The following NLK variants were observed in gnomAD, a reference collection of about 807,000 sequenced individuals.
NLK encodes the protein serine/threonine-protein kinase NLK.
A neutral mutation model predicts 59.0 loss-of-function variants in NLK; 11 were observed. That is an observed-to-expected ratio of 0.19 (90% CI 0.12 to 0.31). NLK has a LOEUF of 0.31. Among genes scored for constraint, NLK ranks in the 10% least tolerant of loss-of-function variants. The pLI, the probability that NLK is intolerant of heterozygous loss-of-function variation, is 1.00. For synonymous variants in NLK, 235 were observed against 235.9 expected, an observed-to-expected ratio of 1.00 and a Z score of 0.03; for missense variants, 410 against 661.1, an observed-to-expected ratio of 0.62 and a Z score of 4.16.
chr17:28,091,888 A>C (rs988461812), intron 1 of NLK, among the ~76,000 whole-genome samples: 4 of 152,172 alleles, frequency 2.6e-5, no homozygotes, highest in Non-Finnish European at 5.9e-5. Flanking sequence ...CCATCTTCCA[A>C]AATAAAAAGT....
At chr17:28,046,463 G>A (rs1009361362) in intron 1 of NLK, among the ~76,000 whole-genome samples, 4 of 152,138 alleles carry the variant, frequency 2.6e-5, no homozygotes, top group Non-Finnish European at 5.9e-5. Flanking sequence ...TGTTGTTTAT[G>A]GGTTATCAAG....
At chr17:28,150,389 G>T (rs1434472832) in intron 3 of NLK, among the ~76,000 whole-genome samples, 1 of 152,152 alleles carries the variant, frequency 6.6e-6, no homozygotes, top group Non-Finnish European at 1.5e-5. Flanking sequence ...GAAACAGCTT[G>T]GTGGGAGTGG....
chr17:28,084,895 G>T (rs1005406160), intron 1 of NLK, among the ~76,000 whole-genome samples: 1 of 152,046 alleles, frequency 6.6e-6, no homozygotes, highest in Non-Finnish European at 1.5e-5. Context: ...TTGCAGTATT[G>T]TTCCATGCTG....
rs772520500 is a variant in NLK, at chr17:28,161,131, C to G, written c.645-29C>G. 5 of 1,312,994 alleles carry G rather than the reference C, an allele frequency of 3.8e-6. No individual in the cohort carries two copies. In the South Asian group the frequency reaches 5.9e-5, roughly 16 times the overall value. The allele number at this position is 1,312,994 out of a possible 1,614,324, so 81.3% of individuals were successfully genotyped here. A position where few individuals can be genotyped will look rare whatever the true frequency, so the allele number is the denominator to read the frequency against. ...TTGAGGGGGTAGGGGACTGAATTCG[C>G]CGAACTCTCCTTAACTTAAAACTTC... On this transcript the variant is annotated intron_variant, in intron 3 of 10. Coordinates refer to ENST00000407008, the MANE Select transcript of NLK (RefSeq NM_016231.5).
At chr17:28,181,570 T>TAAA (rs1013996311) in intron 7 of NLK, among the ~76,000 whole-genome samples, 1 of 134,762 alleles carries the variant, frequency 7.4e-6, no homozygotes, top group African/African-American at 2.7e-5. Context: ...CTCTGTCTCT[T>TAAA]AAAAAAAAAA....
rs371480214 is a variant in NLK, at chr17:28,122,741, A to G, written c.588+9A>G. The stretch of plus-strand genomic sequence containing the variant: ...TTTTTAAGCATGATAATGTAAGTGA[A>G]ATTGGTATTTGGGGGAAACTATTTC... On this transcript the variant is annotated intron_variant, in intron 2 of 10. Coordinates refer to ENST00000407008, the MANE Select transcript of NLK (RefSeq NM_016231.5). 6.2e-7 allele frequency: 1 copy of G among 1,613,674 alleles called. No homozygotes were observed. The highest frequency in any genetic ancestry group is 8.5e-7 in the Non-Finnish European group (1 of 1,179,674).
intron 1 of NLK, among the ~76,000 whole-genome samples, chr17:28,080,641 G>C (rs1009515989): frequency 2.0e-5 from 3 of 152,188 alleles, no homozygotes; most frequent in African/African-American, 7.2e-5. Context: ...CCAATATCGC[G>C]TGTAGCATTT....
At chr17:28,127,418 G>C (rs188584508) in intron 2 of NLK, among the ~76,000 whole-genome samples, 1 of 152,184 alleles carries the variant, frequency 6.6e-6, no homozygotes, top group Non-Finnish European at 1.5e-5. Context: ...TTTTAATACA[G>C]ACATGCTGTT....
At chr17:28,130,834 T>C (rs1033439989) in intron 2 of NLK, among the ~76,000 whole-genome samples, 1 of 152,162 alleles carries the variant, frequency 6.6e-6, no homozygotes, top group Non-Finnish European at 1.5e-5. Flanking sequence ...ATGAGAAATT[T>C]GTGTGAATTT....
At chr17:28,168,171 C>A (rs1206071789) in intron 5 of NLK, among the ~76,000 whole-genome samples, 8 of 141,418 alleles carry the variant, frequency 5.7e-5, no homozygotes, top group Admixed American at 7.1e-5. Context: ...CTAAATAATA[C>A]AAAAAAAAAA....
chr17:28,073,618 G>A (rs934146039), intron 1 of NLK, among the ~76,000 whole-genome samples: 1 of 151,914 alleles, frequency 6.6e-6, no homozygotes, highest in Non-Finnish European at 1.5e-5. Flanking sequence ...TTGAAATGTG[G>A]CAAGGGGAAA....
intron 1 of NLK, among the ~76,000 whole-genome samples, chr17:28,086,538 GTAT>G (rs1597672188): frequency 2.0e-5 from 3 of 152,018 alleles, no homozygotes. Flanking sequence ...CAGTTTTATA[GTAT>G]TATTGTTTTG....
intron 1 of NLK, among the ~76,000 whole-genome samples, chr17:28,115,974 A>G (rs889173819): frequency 6.6e-6 from 1 of 151,670 alleles, no homozygotes; most frequent in Admixed American, 6.6e-5. Context: ...AATTAATAAG[A>G]TTTGCTTCAT....
chr17:28,085,415 A>T (rs940482406), intron 1 of NLK, among the ~76,000 whole-genome samples: 6 of 152,230 alleles, frequency 3.9e-5, no homozygotes, highest in Non-Finnish European at 8.8e-5. Flanking sequence ...TCAATGACGG[A>T]CCACATACAC....
intron 1 of NLK, among the ~76,000 whole-genome samples, chr17:28,058,546 C>A (rs1269799878): frequency 6.6e-6 from 1 of 152,194 alleles, no homozygotes; most frequent in Non-Finnish European, 1.5e-5. Flanking sequence ...GTTGCTTCTT[C>A]AGAGCCTAGC....
intron 1 of NLK, among the ~76,000 whole-genome samples, chr17:28,094,929 C>A (rs1359189574): frequency 6.6e-6 from 1 of 152,126 alleles, no homozygotes; most frequent in Non-Finnish European, 1.5e-5. Flanking sequence ...GTTTTCTCCA[C>A]AGGGCAGAGG....
intron 1 of NLK, among the ~76,000 whole-genome samples, chr17:28,090,048 C>G (rs1013752245): frequency 6.6e-6 from 1 of 152,044 alleles, no homozygotes; most frequent in Non-Finnish European, 1.5e-5. Flanking sequence ...TTAATGACTT[C>G]CAGTTTATCA....
intron 1 of NLK, among the ~76,000 whole-genome samples, chr17:28,113,920 T>C (rs888356902): frequency 6.6e-6 from 1 of 152,206 alleles, no homozygotes; most frequent in Admixed American, 6.5e-5. Context: ...CTCCTAAGTG[T>C]GCATCCCTAA....
In NLK at chr17:28,131,586, TAAAAAAAAAA is replaced by T. The variant is rs35804817; in HGVS notation, c.589-1015_589-1006del. Among the ~76,000 whole-genome samples, 496 of 83,724 alleles carry T rather than the reference TAAAAAAAAAA, an allele frequency of 5.9e-3. 2 individuals are homozygous for T. Among genetic ancestry groups the T allele is most frequent in the Non-Finnish European group, 7.5e-3 (321 of 42,762 alleles). The allele number at this position is 83,724 out of a possible 152,430, so 54.9% of individuals were successfully genotyped here. On this transcript the variant is annotated intron_variant, in intron 2 of 10. Transcript: ENST00000407008. ...TTTATATGTTTGAAGTTCTCTGTAG[TAAAAAAAAAA>T]AAAAAAAAAAAAAAAAAATTTAAGC...
Sources: allele counts gnomAD v4.1 joint callset (sites outside exome capture counted in the v4.1 genomes callset), GRCh38; gene constraint gnomAD v4.1.1; transcripts MANE v1.5; gene names NCBI Gene and HGNC (gene_info 2026-07-23, HGNC 2026-07-21).